Variants in LRBA observed in about 807,000 individuals in gnomAD.
The protein encoded by LRBA is lipopolysaccharide-responsive and beige-like anchor protein.
In LRBA, 176 loss-of-function variants were observed where a neutral mutation model predicts 330.0. The ratio of observed to expected loss-of-function variants is 0.53; its 90% CI spans 0.47 to 0.60. The LOEUF is 0.60. Ranked by LOEUF, LRBA falls within the 20% of genes least tolerant of loss-of-function variation. LRBA has a pLI of 0.00. For missense variants in LRBA, 3,259 were observed against 3,444.8 expected, an observed-to-expected ratio of 0.95 and a Z score of 1.35; for synonymous variants, 1,230 against 1,193.0, an observed-to-expected ratio of 1.03 and a Z score of -0.64.
At chr4:150,346,883 A>C (rs753621310) in intron 48 of LRBA, among the ~76,000 whole-genome samples, 4 of 152,062 alleles carry the variant, frequency 2.6e-5, no homozygotes, top group Non-Finnish European at 5.9e-5. Flanking sequence ...AAAGAATTGA[A>C]AGCAGGCATT....
intron 36 of LRBA, among the ~76,000 whole-genome samples, chr4:150,725,276 G>A (rs1444973219): frequency 6.6e-6 from 1 of 151,984 alleles, no homozygotes; most frequent in Non-Finnish European, 1.5e-5. Context: ...CAAGCAGAAA[G>A]AAGATTACCT....
At chr4:150,671,089 G>T (rs778273141) in intron 37 of LRBA, among the ~76,000 whole-genome samples, 1 of 150,716 alleles carries the variant, frequency 6.6e-6, no homozygotes, top group Non-Finnish European at 1.5e-5. Flanking sequence ...GGTTCTAAGA[G>T]TCCAAAGCAT....
intron 46 of LRBA, among the ~76,000 whole-genome samples, chr4:150,417,774 A>G (rs1241831219): frequency 1.3e-5 from 2 of 152,160 alleles, no homozygotes; most frequent in Non-Finnish European, 2.9e-5. Flanking sequence ...GCATAGTAAA[A>G]ATATACCTAA....
At chr4:150,467,198 A>G (rs149222633) in intron 44 of LRBA, among the ~76,000 whole-genome samples, 1 of 152,268 alleles carries the variant, frequency 6.6e-6, no homozygotes, top group East Asian at 1.9e-4. Flanking sequence ...TGAGTTCATA[A>G]AGATACTTTT....
chr4:150,268,963 G>A lies in LRBA; in HGVS notation c.8469-3151C>T, dbSNP rs142553650. Among the ~76,000 whole-genome samples the A allele has an allele frequency of 2.0e-5, 3 of 150,488 alleles. No homozygotes were observed. The East Asian group carries it at 5.9e-4, about 30-fold the overall frequency. On this transcript the variant is annotated intron_variant, in intron 56 of 56. Coordinates refer to ENST00000651943, the MANE Select transcript of LRBA (RefSeq NM_001364905.1). ...AACTGTCTCTGTTTACAGATGACATGATCTTGTATGTAGGAAATCCTAAAA... is the reference window on the plus strand; with the variant it reads ...AACTGTCTCTGTTTACAGATGACATAATCTTGTATGTAGGAAATCCTAAAA...
intron 36 of LRBA, among the ~76,000 whole-genome samples, chr4:150,685,428 T>A (rs1301869683): frequency 0.017 from 478 of 28,954 alleles, no homozygotes; most frequent in Middle Eastern, 0.028. Context: ...ATATTTTTTT[T>A]TTTTTTTTTT....
At chr4:150,925,127 T>C (rs1417463311) in intron 4 of LRBA, among the ~76,000 whole-genome samples, 1 of 150,060 alleles carries the variant, frequency 6.7e-6, no homozygotes, top group African/African-American at 2.5e-5. Context: ...GATCACACCA[T>C]TGCACTCCAG....
intron 26 of LRBA, among the ~76,000 whole-genome samples, chr4:150,846,080 A>G (rs756510471): frequency 1.3e-5 from 2 of 152,216 alleles, no homozygotes; most frequent in Non-Finnish European, 2.9e-5. Context: ...CGTAAAAAAG[A>G]AAGAAATCAT....
At chr4:150,629,823 T>C (rs1284009678) in intron 37 of LRBA, among the ~76,000 whole-genome samples, 4 of 151,552 alleles carry the variant, frequency 2.6e-5, no homozygotes, top group Admixed American at 6.6e-5. Context: ...TACAAAAAAT[T>C]AGCTACGCAT....
intron 37 of LRBA, 24 bp downstream of exon 37, chr4:150,683,527 C>T (rs752929669): frequency 1.7e-5 from 27 of 1,601,580 alleles, no homozygotes; most frequent in Non-Finnish European, 2.6e-6. Context: ...AATCAGTGGC[C>T]AAATCCTAAA....
chr4:150,417,508 T>TA (rs1203142427), intron 46 of LRBA, among the ~76,000 whole-genome samples: 3 of 152,174 alleles, frequency 2.0e-5, no homozygotes, highest in African/African-American at 7.2e-5. Context: ...TTTGCTTAAT[T>TA]AAATACTAAT....
At chr4:151,008,181 A>G (rs1251389935) in intron 2 of LRBA, among the ~76,000 whole-genome samples, 1 of 151,694 alleles carries the variant, frequency 6.6e-6, no homozygotes, top group South Asian at 2.1e-4. Flanking sequence ...CCCGGGTTCA[A>G]GCAATTCTCC....
At chr4:150,570,867 C>T (rs1434189506) in intron 40 of LRBA, among the ~76,000 whole-genome samples, 2 of 152,040 alleles carry the variant, frequency 1.3e-5, no homozygotes, top group Admixed American at 6.6e-5. Flanking sequence ...TGGTTAAATG[C>T]CTTAGAATTA....
In LRBA at chr4:150,601,954, G is replaced by A. The variant is rs567381661; in HGVS notation, c.5922-2823C>T. ...GATCCGCCCGCCTCGGCCTCCCAAAGTGCTGGGATTACAAGTGTGAGCCAC... is the reference window on the plus strand; with the variant it reads ...GATCCGCCCGCCTCGGCCTCCCAAAATGCTGGGATTACAAGTGTGAGCCAC... On this transcript the variant is annotated intron_variant, in intron 37 of 56. Coordinates refer to ENST00000651943, the MANE Select transcript of LRBA (RefSeq NM_001364905.1). Among the ~76,000 whole-genome samples the A allele has an allele frequency of 2.0e-5, 3 of 151,826 alleles. No homozygotes were observed. The East Asian group carries it at 5.9e-4, about 30-fold the overall frequency.
rs145116902 is a variant in LRBA, at chr4:150,620,961, A to T, written c.5922-21830T>A. Among the ~76,000 whole-genome samples the T allele has an allele frequency of 8.1e-3, 1,232 of 152,318 alleles. 9 individuals are homozygous for T. The highest frequency in any genetic ancestry group is 0.028 in the African/African-American group (1,162 of 41,576). ...TCCAAAAGTTGTTGAAATGAAAAAAAAACTTAGAGCCACATATTAGTTTTG... is the reference window on the plus strand; with the variant it reads ...TCCAAAAGTTGTTGAAATGAAAAAATAACTTAGAGCCACATATTAGTTTTG... On this transcript the variant is annotated intron_variant, in intron 37 of 56. Transcript: ENST00000651943.
At chr4:150,984,361 T>C (rs771074020) in intron 2 of LRBA, among the ~76,000 whole-genome samples, 15 of 151,980 alleles carry the variant, frequency 9.9e-5, no homozygotes, top group Non-Finnish European at 1.9e-4. Flanking sequence ...AATACAAAAT[T>C]AGCCGGGCAT....
chr4:150,321,466 G>GA lies in LRBA; in HGVS notation c.7453-99dup. On this transcript the variant is annotated intron_variant, in intron 49 of 56. Coordinates refer to ENST00000651943, the MANE Select transcript of LRBA (RefSeq NM_001364905.1). This position sits in a 1 kb window ranked among gnomAD's most constrained non-coding sequence, Gnocchi z 4.5. The stretch of plus-strand genomic sequence containing the variant: ...AAGAAAGAGAGGGGGTGCAGGAAAA[G>GA]AAGAGGAAGACCATATTAACATGAG... 1.0e-6 allele frequency: 1 copy of GA among 1,004,330 alleles called. No homozygotes were observed. Among genetic ancestry groups the GA allele is most frequent in the Non-Finnish European group, 1.4e-6 (1 of 700,532 alleles). 62.2% of individuals were successfully genotyped at this position (1,004,330 alleles called of 1,614,324 possible).
chr4:150,565,382 A>G lies in LRBA; in HGVS notation c.6330+22666T>C, dbSNP rs1053042165. 1.3e-4 allele frequency among the ~76,000 whole-genome samples: 20 copies of G among 152,150 alleles called. No individual in the cohort carries two copies. In the East Asian group the frequency reaches 1.7e-3, roughly 13 times the overall value. On this transcript the variant is annotated intron_variant, in intron 40 of 56. Transcript: ENST00000651943. ...GGGGAGGAAGAGTATGAGGACAAATACCTAATGCATGTGGGGCTTAAAACC... is the reference window on the plus strand; with the variant it reads ...GGGGAGGAAGAGTATGAGGACAAATGCCTAATGCATGTGGGGCTTAAAACC...
At chr4:150,658,413 G>T in intron 37 of LRBA, among the ~76,000 whole-genome samples, 1 of 149,096 alleles carries the variant, frequency 6.7e-6, no homozygotes, top group African/African-American at 2.5e-5. Context: ...ATGCCTTCCT[G>T]ATTGGCTGTT....
Sources: gnomAD v4.1 joint callset for allele counts (sites outside exome capture counted in the v4.1 genomes callset) on GRCh38, gnomAD v4.1.1 for gene constraint, Gnocchi (gnomAD v3.1) non-coding constraint, MANE v1.5 for transcripts, NCBI Gene and HGNC (gene_info 2026-07-23, HGNC 2026-07-21) for gene names.